Variants in PTPRK observed in about 807,000 individuals in gnomAD.
PTPRK encodes the protein protein tyrosine phosphatase receptor type K.
PTPRK carries 75 observed loss-of-function variants against 178.0 expected under a neutral mutation model. The ratio of observed to expected loss-of-function variants is 0.42; its 90% CI spans 0.35 to 0.51. The LOEUF (loss-of-function observed/expected upper bound fraction) is 0.51. PTPRK is among the 20% of genes least tolerant of loss of function. PTPRK has a pLI of 0.02. For missense variants in PTPRK, 1,441 were observed against 1,797.8 expected, an observed-to-expected ratio of 0.80 and a Z score of 3.59; for synonymous variants, 637 against 620.6, an observed-to-expected ratio of 1.03 and a Z score of -0.39.
chr6:128,355,847 G>T (rs562062332), intron 2 of PTPRK, among the ~76,000 whole-genome samples: 1 of 152,210 alleles, frequency 6.6e-6, no homozygotes, highest in Admixed American at 6.5e-5. Flanking sequence ...CTTTACCAAA[G>T]TTCCCAATTT....
intron 1 of PTPRK, among the ~76,000 whole-genome samples, chr6:128,471,315 A>G (rs891783341): frequency 6.6e-6 from 1 of 152,040 alleles, no homozygotes; most frequent in East Asian, 1.9e-4. Flanking sequence ...ACAAAATAAA[A>G]TTTTACTTTT....
At chr6:128,150,494 G>A (rs1039891365) in intron 7 of PTPRK, among the ~76,000 whole-genome samples, 2 of 151,976 alleles carry the variant, frequency 1.3e-5, no homozygotes, top group African/African-American at 4.8e-5. Flanking sequence ...CCCTCACTCG[G>A]GAATATGCCA....
In PTPRK at chr6:128,519,244, G is replaced by A; in HGVS notation, c.100+1015C>T. ...ACCTGGTGAAACTTCAGAGCCCCCA[G>A]AGGAGAGAACGAAAGAAGCAACCAA... On this transcript the variant is annotated intron_variant, in intron 1 of 29. Transcript: ENST00000368226. This position sits in a 1 kb window ranked among gnomAD's most constrained non-coding sequence, Gnocchi z 4.3. 1 of 401,122 alleles carries A rather than the reference G, an allele frequency of 2.5e-6. No individual in the cohort carries two copies. Among genetic ancestry groups the A allele is most frequent in the Non-Finnish European group, 4.9e-6 (1 of 202,564 alleles). 24.8% of individuals were successfully genotyped at this position (401,122 alleles called of 1,614,324 possible). A position where few individuals can be genotyped will look rare whatever the true frequency, so the allele number is the denominator to read the frequency against.
intron 7 of PTPRK, among the ~76,000 whole-genome samples, chr6:128,162,646 ATACT>A (rs1166212032): frequency 2.0e-5 from 3 of 151,816 alleles, no homozygotes; most frequent in African/African-American, 7.2e-5. Flanking sequence ...AAGAGCAGAC[ATACT>A]TAGTTAAATC....
At chr6:128,251,859 G>T (rs138962930) in intron 3 of PTPRK, among the ~76,000 whole-genome samples, 1 of 152,138 alleles carries the variant, frequency 6.6e-6, no homozygotes, top group East Asian at 1.9e-4. Flanking sequence ...AATATCCTGA[G>T]GTTTAGCATT....
At chr6:128,237,170 G>A (rs750664877) in intron 5 of PTPRK, among the ~76,000 whole-genome samples, 2 of 152,044 alleles carry the variant, frequency 1.3e-5, no homozygotes, top group Admixed American at 6.6e-5. Flanking sequence ...TAGAAAATTG[G>A]CTGTTTTTCT....
intron 2 of PTPRK, among the ~76,000 whole-genome samples, chr6:128,396,195 G>T (rs1229329141): frequency 6.6e-6 from 1 of 150,514 alleles, no homozygotes; most frequent in East Asian, 1.9e-4. Context: ...CACTCAAGAA[G>T]GACTTACTCT....
At chr6:128,437,284 T>G (rs1845719952) in intron 1 of PTPRK, among the ~76,000 whole-genome samples, 1 of 152,204 alleles carries the variant, frequency 6.6e-6, no homozygotes, top group African/African-American at 2.4e-5. Context: ...ACAATATTAA[T>G]AGCCTGCCAC....
chr6:128,289,718 T>C (rs1823067305), intron 3 of PTPRK, among the ~76,000 whole-genome samples: 1 of 152,056 alleles, frequency 6.6e-6, no homozygotes, highest in South Asian at 2.1e-4. Flanking sequence ...GTAATATACT[T>C]TATGGAGATG....
intron 1 of PTPRK, among the ~76,000 whole-genome samples, chr6:128,464,844 A>T (rs535167611): frequency 6.8e-6 from 1 of 147,508 alleles, no homozygotes; most frequent in South Asian, 2.1e-4. Context: ...GATTTAAAAA[A>T]AAAGACAATA....
At chr6:128,370,756 G>A (rs921863272) in intron 2 of PTPRK, among the ~76,000 whole-genome samples, 3 of 151,990 alleles carry the variant, frequency 2.0e-5, no homozygotes, top group Admixed American at 6.6e-5. Flanking sequence ...AAAAAAGCAC[G>A]CTTAGCTTAT....
intron 3 of PTPRK, among the ~76,000 whole-genome samples, chr6:128,294,209 A>C (rs1823878131): frequency 6.6e-6 from 1 of 152,256 alleles, no homozygotes; most frequent in Admixed American, 6.5e-5. Context: ...AAAAAGAAGA[A>C]ATCAATGTTT....
chr6:128,286,027 C>G (rs1822453209), intron 3 of PTPRK, among the ~76,000 whole-genome samples: 1 of 152,032 alleles, frequency 6.6e-6, no homozygotes, highest in Admixed American at 6.6e-5. Context: ...CCAGAATCAC[C>G]TACTTTTAAA....
At chr6:128,018,031 C>T (rs368637620) in intron 13 of PTPRK, among the ~76,000 whole-genome samples, 105 of 151,040 alleles carry the variant, frequency 7.0e-4, no homozygotes, top group Admixed American at 2.4e-3. Flanking sequence ...CCTTAACTAC[C>T]CTCTCACCTC....
intron 7 of PTPRK, among the ~76,000 whole-genome samples, chr6:128,164,770 G>T (rs1374080477): frequency 1.3e-5 from 2 of 150,884 alleles, no homozygotes; most frequent in African/African-American, 4.9e-5. Context: ...TAGAAGAAAG[G>T]CCAGGGGAAA....
chr6:128,280,942 AT>A (rs1165366079), intron 3 of PTPRK, among the ~76,000 whole-genome samples: 6 of 152,210 alleles, frequency 3.9e-5, no homozygotes, highest in African/African-American at 1.2e-4. Flanking sequence ...TTTTAAAAAA[AT>A]AACTTCCCAG....
intron 1 of PTPRK, among the ~76,000 whole-genome samples, chr6:128,419,501 G>C (rs921818775): frequency 6.6e-6 from 1 of 151,988 alleles, no homozygotes; most frequent in Non-Finnish European, 1.5e-5. Context: ...TGTAGTCCCA[G>C]CTGAGGCTGA....
At chr6:128,363,060 A>T (rs560404447) in intron 2 of PTPRK, among the ~76,000 whole-genome samples, 2 of 152,126 alleles carry the variant, frequency 1.3e-5, no homozygotes, top group African/African-American at 4.8e-5. Flanking sequence ...AATTACCTTA[A>T]CTCTATAAAC....
At chr6:128,430,202 C>T (rs913204206) in intron 1 of PTPRK, among the ~76,000 whole-genome samples, 1 of 152,126 alleles carries the variant, frequency 6.6e-6, no homozygotes. Context: ...AATTCAAACT[C>T]TCAGGAAGCA....
Sources: gnomAD v4.1 joint callset for allele counts (sites outside exome capture counted in the v4.1 genomes callset) on GRCh38, gnomAD v4.1.1 for gene constraint, Gnocchi (gnomAD v3.1) non-coding constraint, MANE v1.5 for transcripts, NCBI Gene and HGNC (gene_info 2026-07-23, HGNC 2026-07-21) for gene names.